PCDHGA7: variants seen among roughly 807,000 people sequenced by gnomAD.
The protein encoded by PCDHGA7 is protocadherin gamma-A7.
A neutral mutation model predicts 58.3 loss-of-function variants in PCDHGA7; 44 were observed. That is an observed-to-expected ratio of 0.75 (90% CI 0.59 to 0.97). The LOEUF is 0.97. Among genes scored for constraint, PCDHGA7 ranks in the 50% least tolerant of loss-of-function variants. The pLI, the probability that PCDHGA7 is intolerant of heterozygous loss-of-function variation, is 0.00. For missense variants in PCDHGA7, 1,266 were observed against 1,188.7 expected (o/e 1.06, Z -0.96); for synonymous variants, 516 against 504.2 (o/e 1.02, Z -0.31).
At chr5:141,478,719 T>C in intron 1 of PCDHGA7, 1 of 1,543,882 alleles carries the variant, frequency 6.5e-7, no homozygotes, top group South Asian at 1.2e-5. Context: ...GATGGTGGCC[T>C]GCCAGAGTGT....
chr5:141,398,298 C>T (rs746476042), intron 1 of PCDHGA7: 1 of 1,362,258 alleles, frequency 7.3e-7, no homozygotes, highest in South Asian at 1.3e-5. Flanking sequence ...TGGGGTTCAG[C>T]GTCCAGGAGT....
chr5:141,408,339 T>C lies in PCDHGA7; in HGVS notation c.2424+23016T>C, dbSNP rs768142301. 1.7e-5 allele frequency: 27 copies of C among 1,613,672 alleles called. No homozygotes were observed. In the Middle Eastern group the frequency reaches 9.9e-4, roughly 59 times the overall value. ...CCGGAGGAGCTGGCCAAGGGCTCGGTGGTGGGGAACCTCGCTAAGGATCTA... is the reference window on the plus strand; with the variant it reads ...CCGGAGGAGCTGGCCAAGGGCTCGGCGGTGGGGAACCTCGCTAAGGATCTA... On this transcript the variant is annotated intron_variant, in intron 1 of 3. Coordinates refer to ENST00000518325, the MANE Select transcript of PCDHGA7 (RefSeq NM_018920.4).
chr5:141,481,436 T>C (rs775003998), intron 1 of PCDHGA7, among the ~76,000 whole-genome samples: 5 of 152,220 alleles, frequency 3.3e-5, no homozygotes, highest in South Asian at 2.1e-4. Flanking sequence ...ATTGTATCAG[T>C]TTAGTACATG....
At chr5:141,401,726 A>T (rs943909540) in intron 1 of PCDHGA7, among the ~76,000 whole-genome samples, 1 of 152,186 alleles carries the variant, frequency 6.6e-6, no homozygotes, top group African/African-American at 2.4e-5. Context: ...AAAAACTACT[A>T]GTCTTGTGTA....
In PCDHGA7 at chr5:141,476,258, G is replaced by A. The variant is rs1247889010; in HGVS notation, c.2425-18549G>A. 1 of 1,614,018 alleles carries A rather than the reference G, an allele frequency of 6.2e-7. No individual in the cohort carries two copies. Among genetic ancestry groups the A allele is most frequent in the South Asian group, 1.1e-5 (1 of 91,066 alleles). Reference sequence around the variant, plus strand: ...GGAAAGAGAGAAGGGTTTCGCTGTGGGCAACGTGGTCGCGAACCTTGGTTT... The same window carrying A: ...GGAAAGAGAGAAGGGTTTCGCTGTGAGCAACGTGGTCGCGAACCTTGGTTT... On this transcript the variant is annotated intron_variant, in intron 1 of 3. Coordinates refer to ENST00000518325, the MANE Select transcript of PCDHGA7 (RefSeq NM_018920.4). This position sits in a 1 kb window ranked among gnomAD's most constrained non-coding sequence, Gnocchi z 7.6.
Position 141,384,181 on chromosome 5 carries a change from G to A in PCDHGA7, c.1282G>A (p.Gly428Arg), listed in dbSNP as rs765782736. ...CATCACACTGAAAGCCACAGATGGTGGAACTCCTCCCTTGTCCAGGGAAAC... is the reference window on the plus strand; with the variant it reads ...CATCACACTGAAAGCCACAGATGGTAGAACTCCTCCCTTGTCCAGGGAAAC... ...YNITLKATDG[G>R]TPPLSRETHI... The change falls in exon 1 of 4, where the codon GGA becomes AGA. Residue 428 changes from glycine (G) to arginine (R), a missense_variant. Gly to Arg is a moderately radical substitution (Grantham distance 125). Coordinates refer to ENST00000518325, the MANE Select transcript of PCDHGA7 (RefSeq NM_018920.4). 18 of 1,613,702 alleles carry A rather than the reference G, an allele frequency of 1.1e-5. No homozygotes were observed. Among genetic ancestry groups the A allele is most frequent in the Non-Finnish European group, 1.4e-5 (16 of 1,179,868 alleles).
rs778589637 is a variant in PCDHGA7 at position 141,487,133 on chromosome 5, C to T, written c.2425-7674C>T. On this transcript the variant is annotated intron_variant, in intron 1 of 3. Coordinates refer to ENST00000518325, the MANE Select transcript of PCDHGA7 (RefSeq NM_018920.4). The surrounding 1 kb of genome is among the most constrained non-coding windows in gnomAD (Gnocchi z 5.0). ...TGTGGTAAAGGATAGTGGTAGTCCA[C>T]CACTCTCTACCTCTGTTACTCTCTT... 8.7e-6 allele frequency: 14 copies of T among 1,613,932 alleles called. No homozygotes were observed. In the South Asian group the frequency reaches 1.5e-4, roughly 18 times the overall value.
intron 1 of PCDHGA7, among the ~76,000 whole-genome samples, chr5:141,481,556 G>T (rs553126587): frequency 6.6e-6 from 1 of 152,148 alleles, no homozygotes; most frequent in African/African-American, 2.4e-5. Flanking sequence ...AGTGGCTCAC[G>T]CCTGTAATCC....
chr5:141,464,898 C>T (rs969877255), intron 1 of PCDHGA7, among the ~76,000 whole-genome samples: 4 of 151,958 alleles, frequency 2.6e-5, no homozygotes, highest in African/African-American at 4.8e-5. Flanking sequence ...GCCACCATGT[C>T]CAGCTAATTT....
chr5:141,489,267 C>A lies in PCDHGA7; in HGVS notation c.2425-5540C>A. On this transcript the variant is annotated intron_variant, in intron 1 of 3. Transcript: ENST00000518325. This position sits in a 1 kb window ranked among gnomAD's most constrained non-coding sequence, Gnocchi z 4.5. ...TGGGGCCCAAGACACTCCCACAGCT[C>A]GCTGGGAAATGGCAAGTGCTGTGCA... is the stretch of plus-strand genomic sequence containing the variant. 1 of 1,553,300 alleles carries A rather than the reference C, an allele frequency of 6.4e-7. No homozygotes were observed. The highest frequency in any genetic ancestry group is 8.7e-7 in the Non-Finnish European group (1 of 1,149,864).
chr5:141,382,984 G>A lies in PCDHGA7; in HGVS notation c.85G>A (p.Gly29Arg). Residue 29 changes from glycine to arginine, a missense_variant, in exon 1 of 4, where the codon GGA becomes AGA. Transcript: ENST00000518325. ...GGGGACCCCCTGGGAAGCCTGGGCA[G>A]GACGTATTCTCTACTCCGTGTCGGA... ...LLGTPWEAWAGRILYSVSEET... is the reference protein window; with the variant it reads ...LLGTPWEAWARRILYSVSEET... 1 of 1,613,132 alleles carries A rather than the reference G, an allele frequency of 6.2e-7. No homozygotes were observed. The highest frequency in any genetic ancestry group is 8.5e-7 in the Non-Finnish European group (1 of 1,179,350).
intron 1 of PCDHGA7, chr5:141,419,533 C>A: frequency 6.2e-7 from 1 of 1,612,106 alleles, no homozygotes; most frequent in Non-Finnish European, 8.5e-7. Flanking sequence ...GTAACGACAA[C>A]GCACCGCGGG....
chr5:141,427,606 G>A (rs965315804), intron 1 of PCDHGA7: 2 of 688,192 alleles, frequency 2.9e-6, no homozygotes, highest in African/African-American at 3.5e-5. Flanking sequence ...CTACGCATTG[G>A]TGAAGTCAAC....
At position 141,476,030 on chromosome 5, in the gene PCDHGA7, G is replaced by A; in HGVS notation, c.2425-18777G>A. On this transcript the variant is annotated intron_variant, in intron 1 of 3. Coordinates refer to ENST00000518325, the MANE Select transcript of PCDHGA7 (RefSeq NM_018920.4). This position sits in a 1 kb window ranked among gnomAD's most constrained non-coding sequence, Gnocchi z 7.6. ...AAAGCCATGTCGGACTCGGCGCCCA[G>A]CGCCCAAGCGCTAACCCGCTGAAAG... 2.7e-6 allele frequency: 4 copies of A among 1,459,176 alleles called. No individual in the cohort carries two copies. The highest frequency in any genetic ancestry group is 3.6e-6 in the Non-Finnish European group (4 of 1,096,658). The allele number at this position is 1,459,176 out of a possible 1,614,324, so 90.4% of individuals were successfully genotyped here. A position where few individuals can be genotyped will look rare whatever the true frequency, so the allele number is the denominator to read the frequency against.
intron 1 of PCDHGA7, among the ~76,000 whole-genome samples, chr5:141,406,353 T>G (rs1380718525): frequency 6.6e-6 from 1 of 152,196 alleles, no homozygotes; most frequent in Admixed American, 6.5e-5. Context: ...CAGGTCATAC[T>G]ATGTTTGTAA....
Position 141,486,319 on chromosome 5 carries a change from C to T in PCDHGA7, c.2425-8488C>T, listed in dbSNP as rs148184642. The T allele has an allele frequency of 1.7e-4, 268 of 1,614,058 alleles. No individual in the cohort carries two copies. The African/African-American group carries it at 1.7e-3, about 10-fold the overall frequency. Reference sequence around the variant, plus strand: ...TGCAGGATCCAGACTCAGGGTCAAACGGAGATGTGAGCCTCCGCATTCCTG... The same window carrying T: ...TGCAGGATCCAGACTCAGGGTCAAATGGAGATGTGAGCCTCCGCATTCCTG... On this transcript the variant is annotated intron_variant, in intron 1 of 3. Transcript: ENST00000518325. The surrounding 1 kb of genome is among the most constrained non-coding windows in gnomAD (Gnocchi z 5.0).
intron 1 of PCDHGA7, chr5:141,403,199 A>AC (rs1480420470): frequency 6.2e-7 from 1 of 1,613,812 alleles, no homozygotes; most frequent in African/African-American, 1.3e-5. Flanking sequence ...GCGCAGCGGC[A>AC]CCTTGGTCAC....
chr5:141,404,372 G>A (rs747130914), intron 1 of PCDHGA7: 7 of 1,613,844 alleles, frequency 4.3e-6, no homozygotes, highest in South Asian at 1.1e-5. Context: ...CATCTTCTCC[G>A]TGATTGCCTA....
At chr5:141,394,915 C>T in intron 1 of PCDHGA7, 1 of 1,613,774 alleles carries the variant, frequency 6.2e-7, no homozygotes, top group Non-Finnish European at 8.5e-7. Flanking sequence ...GCTGCCATCT[C>T]CTGTGTCTTC....
Sources: gnomAD v4.1 joint callset for allele counts (sites outside exome capture counted in the v4.1 genomes callset) on GRCh38, gnomAD v4.1.1 for gene constraint, Gnocchi (gnomAD v3.1) non-coding constraint, MANE v1.5 for transcripts, NCBI Gene and HGNC (gene_info 2026-07-23, HGNC 2026-07-21) for gene names.